Variants in ROBO2 observed in about 807,000 individuals in gnomAD.
ROBO2 encodes roundabout homolog 2.
A neutral mutation model predicts 160.8 loss-of-function variants in ROBO2; 53 were observed. That is an observed-to-expected ratio of 0.33 (90% CI 0.26 to 0.41). The LOEUF (loss-of-function observed/expected upper bound fraction) is 0.41, where lower values mean the gene tolerates loss of function less well. Among genes scored for constraint, ROBO2 ranks in the 10% least tolerant of loss-of-function variants. The pLI, the probability that ROBO2 is intolerant of heterozygous loss-of-function variation, is 1.00. For missense variants in ROBO2, 1,577 were observed against 1,722.4 expected (o/e 0.92, Z 1.49); for synonymous variants, 664 against 611.7 (o/e 1.09, Z -1.26).
intron 2 of ROBO2, among the ~76,000 whole-genome samples, chr3:76,069,605 C>T (rs2068377465): frequency 7.6e-6 from 1 of 132,126 alleles, no homozygotes; most frequent in South Asian, 2.6e-4. Context: ...TATGTAATCT[C>T]ATTAAAAATA....
At chr3:76,840,774 G>A (rs1450741013) in intron 2 of ROBO2, among the ~76,000 whole-genome samples, 2 of 151,346 alleles carry the variant, frequency 1.3e-5, no homozygotes, top group Non-Finnish European at 2.9e-5. Context: ...AGAAAATATT[G>A]TCATTTTAGC....
At chr3:76,223,213 T>C (rs1050150307) in intron 2 of ROBO2, among the ~76,000 whole-genome samples, 5 of 151,958 alleles carry the variant, frequency 3.3e-5, no homozygotes, top group African/African-American at 1.2e-4. Context: ...AACTGAAGTC[T>C]AGTTATGGTC....
intron 2 of ROBO2, among the ~76,000 whole-genome samples, chr3:76,900,918 T>A (rs1008485550): frequency 1.3e-5 from 2 of 152,134 alleles, no homozygotes; most frequent in African/African-American, 2.4e-5. Context: ...GAAAATAGAA[T>A]GAAGAAAAAT....
At chr3:77,395,101 G>A (rs970920074) in intron 2 of ROBO2, among the ~76,000 whole-genome samples, 4 of 152,034 alleles carry the variant, frequency 2.6e-5, no homozygotes, top group African/African-American at 9.7e-5. Flanking sequence ...AGTTCAGAGC[G>A]TAATGCAGTA....
intron 2 of ROBO2, among the ~76,000 whole-genome samples, chr3:77,010,878 C>T (rs1200542414): frequency 7.5e-6 from 1 of 132,488 alleles, no homozygotes; most frequent in Non-Finnish European, 1.6e-5. Flanking sequence ...ACCTTCCTTC[C>T]TCCCTCCCTC....
At chr3:77,540,894 G>C (rs1399636975) in intron 6 of ROBO2, among the ~76,000 whole-genome samples, 2 of 152,108 alleles carry the variant, frequency 1.3e-5, no homozygotes, top group Non-Finnish European at 2.9e-5. Flanking sequence ...CACATAATAA[G>C]CTCTCAATGA....
At chr3:76,693,115 GTATGTGTATATACATATA>G (rs1204895081) in intron 2 of ROBO2, among the ~76,000 whole-genome samples, 10 of 147,152 alleles carry the variant, frequency 6.8e-5, no homozygotes, top group African/African-American at 2.0e-4. Context: ...CCCTATATAT[GTATGTGTATATACATATA>G]TATGTGTATA....
At chr3:76,446,777 A>C (rs1398953575) in intron 2 of ROBO2, among the ~76,000 whole-genome samples, 2 of 152,188 alleles carry the variant, frequency 1.3e-5, no homozygotes, top group Non-Finnish European at 2.9e-5. Flanking sequence ...CCTGAGAAAA[A>C]CAAGCAATGG....
chr3:77,035,436 AT>A (rs2063573640), upstream of ROBO2, among the ~76,000 whole-genome samples: 1 of 151,844 alleles, frequency 6.6e-6, no homozygotes, highest in African/African-American at 2.4e-5. Context: ...AAGATAAATA[AT>A]GATTTTCCAA....
At chr3:75,980,331 A>C (rs2065241868) in intron 2 of ROBO2, among the ~76,000 whole-genome samples, 1 of 151,510 alleles carries the variant, frequency 6.6e-6, no homozygotes, top group South Asian at 2.1e-4. Flanking sequence ...GGGGTTCCTG[A>C]TCCAACAATC....
At chr3:77,645,985 T>A in intron 25 of ROBO2, 69 bp from the exon 28 acceptor site, 1 of 1,201,096 alleles carries the variant, frequency 8.3e-7, no homozygotes, top group Non-Finnish European at 1.2e-6. Flanking sequence ...GCTTTGCTTT[T>A]TGTTATGCTG....
intron 2 of ROBO2, among the ~76,000 whole-genome samples, chr3:77,382,927 G>A (rs1218055336): frequency 6.6e-6 from 1 of 152,066 alleles, no homozygotes; most frequent in Non-Finnish European, 1.5e-5. Context: ...TTCATTCCTA[G>A]TTGCCAACAT....
At chr3:76,796,943 A>T (rs1248343871) in intron 2 of ROBO2, among the ~76,000 whole-genome samples, 1 of 152,190 alleles carries the variant, frequency 6.6e-6, no homozygotes. Context: ...ACCCAGATAT[A>T]TAAAGCAAAT....
intron 2 of ROBO2, among the ~76,000 whole-genome samples, chr3:75,970,211 C>A (rs1198659688): frequency 1.3e-5 from 2 of 151,450 alleles, no homozygotes; most frequent in Admixed American, 6.6e-5. Context: ...GAAAATGCAC[C>A]TTTCTCTGGA....
chr3:77,454,042 T>C (rs2081370785), intron 2 of ROBO2, among the ~76,000 whole-genome samples: 1 of 151,944 alleles, frequency 6.6e-6, no homozygotes, highest in Admixed American at 6.6e-5. Flanking sequence ...GACACCCTCA[T>C]TAGACATTTT....
chr3:77,214,721 T>C (rs1200184133), intron 2 of ROBO2, among the ~76,000 whole-genome samples: 1 of 152,208 alleles, frequency 6.6e-6, no homozygotes, highest in Non-Finnish European at 1.5e-5. Flanking sequence ...CTGGTACCAG[T>C]TATTCCTTTC....
chr3:76,681,397 T>C (rs1422986086), intron 2 of ROBO2, among the ~76,000 whole-genome samples: 1 of 152,188 alleles, frequency 6.6e-6, no homozygotes, highest in Non-Finnish European at 1.5e-5. Flanking sequence ...ACCACTTCAA[T>C]CCTTTCAACA....
chr3:75,941,413 CA>C lies in ROBO2; in HGVS notation c.109+3813del, dbSNP rs1221268270. Among the ~76,000 whole-genome samples the C allele has an allele frequency of 6.9e-4, 105 of 152,120 alleles. 1 individual carries two copies. The highest frequency in any genetic ancestry group is 1.8e-3 in the Admixed American group (27 of 15,254). On this transcript the variant is annotated intron_variant, in intron 2 of 26. Transcript: ENST00000487694. ...AAGCAAGTTAGCCCAAGTTTTTAAA[CA>C]AGCATAATTTTAGAGTTTTTGTAAC...
chr3:77,077,284 A>G (rs1265037239), intron 1 of ROBO2, among the ~76,000 whole-genome samples: 3 of 152,204 alleles, frequency 2.0e-5, no homozygotes, highest in Non-Finnish European at 4.4e-5. Flanking sequence ...AAGTTCAATG[A>G]ATTATAGCCG....
Sources: allele counts gnomAD v4.1 joint callset (sites outside exome capture counted in the v4.1 genomes callset), GRCh38; gene constraint gnomAD v4.1.1; transcripts MANE v1.5; gene names NCBI Gene and HGNC (gene_info 2026-07-23, HGNC 2026-07-21).